Variants in CKMT2 observed in about 807,000 individuals in gnomAD.
CKMT2 encodes the protein creatine kinase S-type, mitochondrial.
CKMT2 carries 43 observed loss-of-function variants against 48.9 expected under a neutral mutation model. The observed-to-expected ratio is 0.88, with a 90% CI of 0.69 to 1.13. CKMT2 has a LOEUF of 1.13. CKMT2 is among the 50% of genes most tolerant of loss of function. CKMT2 has a pLI of 0.00. For missense variants in CKMT2, 472 were observed against 555.4 expected (o/e 0.85, Z 1.51); for synonymous variants, 206 against 213.0 (o/e 0.97, Z 0.29).
chr5:81,261,600 C>T (rs1230634356), intron 8 of CKMT2, among the ~76,000 whole-genome samples: 1 of 152,138 alleles, frequency 6.6e-6, no homozygotes, highest in Non-Finnish European at 1.5e-5. Flanking sequence ...TTCACAATTG[C>T]TTCAAAGAGA....
intron 8 of CKMT2, among the ~76,000 whole-genome samples, chr5:81,261,442 T>A (rs1158271775): frequency 6.6e-6 from 1 of 152,234 alleles, no homozygotes; most frequent in African/African-American, 2.4e-5. Flanking sequence ...CATGATTGTA[T>A]ATTTAGAAAA....
chr5:81,259,361 T>TATCTA (rs1554046739), intron 8 of CKMT2, 107 bp downstream of exon 8: 2 of 953,980 alleles, frequency 2.1e-6, no homozygotes, highest in African/African-American at 3.4e-5. Flanking sequence ...TTACTTTCTC[T>TATCTA]ATCTACAATA....
chr5:81,246,494 C>G (rs1225731217), intron 1 of CKMT2, among the ~76,000 whole-genome samples: 1 of 152,138 alleles, frequency 6.6e-6, no homozygotes, highest in Admixed American at 6.5e-5. Flanking sequence ...TTGCACTCAT[C>G]CCCACCTACG....
At chr5:81,265,087 T>C (rs1336088693) in intron 9 of CKMT2, among the ~76,000 whole-genome samples, 3 of 152,162 alleles carry the variant, frequency 2.0e-5, no homozygotes, top group Non-Finnish European at 4.4e-5. Context: ...TCTGGTTATT[T>C]AGTTAGGATA....
At chr5:81,259,460 G>A in intron 8 of CKMT2, 1 of 419,136 alleles carries the variant, frequency 2.4e-6, no homozygotes, top group Non-Finnish European at 4.1e-6. Context: ...AAAGATGGTA[G>A]CTTCAAGAAT....
intron 5 of CKMT2, among the ~76,000 whole-genome samples, chr5:81,256,173 CAA>C: frequency 6.8e-6 from 1 of 146,240 alleles, no homozygotes; most frequent in South Asian, 2.2e-4. Flanking sequence ...ATACACATTG[CAA>C]AAAAAAAAGT....
intron 1 of CKMT2, among the ~76,000 whole-genome samples, chr5:81,247,197 G>C (rs1342417191): frequency 6.6e-6 from 1 of 152,192 alleles, no homozygotes; most frequent in Admixed American, 6.5e-5. Context: ...ATAATGCTCA[G>C]AACATGGAGG....
chr5:81,260,570 G>A (rs567415378), intron 8 of CKMT2, among the ~76,000 whole-genome samples: 2 of 152,294 alleles, frequency 1.3e-5, no homozygotes, highest in South Asian at 4.1e-4. Flanking sequence ...ACTACCATCA[G>A]AGAATACTAT....
rs753520086 is a variant in CKMT2, at chr5:81,255,095, G to A, written c.550G>A (p.Glu184Lys). Residue 184 changes from glutamate to lysine, a missense_variant, in exon 5 of 10, where the codon GAG (glutamate) becomes AAG (lysine). Transcript: ENST00000254035. ...LSLPPACTRA[E>K]RREVENVAIT... ...CCTGCCTCCAGCCTGCACCCGGGCC[G>A]AGCGAAGGGAGGTAGAGAACGTGGC... 1.9e-6 allele frequency: 3 copies of A among 1,613,986 alleles called. No individual in the cohort carries two copies. Among genetic ancestry groups the A allele is most frequent in the East Asian group, 2.2e-5 (1 of 44,874 alleles).
chr5:81,261,499 A>G (rs1024870294), intron 8 of CKMT2, among the ~76,000 whole-genome samples: 11 of 152,240 alleles, frequency 7.2e-5, no homozygotes, highest in African/African-American at 2.7e-4. Context: ...CAACTTCATC[A>G]AAGTCTCAGG....
chr5:81,255,008 T>C lies in CKMT2; in HGVS notation c.463T>C (p.Phe155Leu), dbSNP rs748903380. ...LDASKITQGQ[F>L]DEHYVLSSRV... is the part of the protein sequence containing the mutation. ...TGCTTGGCAGATCACCCAAGGGCAGTTCGACGAGCATTACGTGCTGTCTTC... is the reference window on the plus strand; with the variant it reads ...TGCTTGGCAGATCACCCAAGGGCAGCTCGACGAGCATTACGTGCTGTCTTC... The change falls in exon 5 of 10, where the codon TTC becomes CTC. Residue 155 changes from phenylalanine to leucine, a missense_variant. By Grantham distance (22) the Phe-to-Leu change is conservative. Coordinates refer to ENST00000254035, the MANE Select transcript of CKMT2 (RefSeq NM_001099735.2). 14 of 1,613,936 alleles carry C rather than the reference T, an allele frequency of 8.7e-6. No individual in the cohort carries two copies. The highest frequency in any genetic ancestry group is 1.0e-5 in the Non-Finnish European group (12 of 1,179,980).
chr5:81,251,320 G>C (rs749939043), intron 2 of CKMT2, 36 bp downstream of exon 2: 8 of 1,607,424 alleles, frequency 5.0e-6, no homozygotes, highest in Non-Finnish European at 6.8e-6. Flanking sequence ...CCTCAGGCCA[G>C]GCACGGTGGC....
chr5:81,245,654 G>C (rs1285235764), intron 1 of CKMT2, among the ~76,000 whole-genome samples: 1 of 152,174 alleles, frequency 6.6e-6, no homozygotes, highest in South Asian at 2.1e-4. Flanking sequence ...GGGCCTGATG[G>C]CCAGGCCTTC....
intron 6 of CKMT2, 142 bp from the exon 7 acceptor site, chr5:81,257,591 G>A (rs1321859449): frequency 5.0e-6 from 3 of 604,114 alleles, no homozygotes; most frequent in Admixed American, 6.4e-5. Flanking sequence ...TGTCATACTT[G>A]TTCAGGCACA....
chr5:81,233,540 C>T (rs572384824), intron 1 of CKMT2, among the ~76,000 whole-genome samples, 163 bp downstream of exon 1: 29 of 152,304 alleles, frequency 1.9e-4, no homozygotes, highest in African/African-American at 6.5e-4. Context: ...CAGCAGAGCT[C>T]CCGCCCTTGG....
intron 5 of CKMT2, 118 bp downstream of exon 5, chr5:81,255,332 C>A: frequency 2.4e-6 from 2 of 841,908 alleles, no homozygotes; most frequent in East Asian, 2.7e-5. Flanking sequence ...TGCTGGGCTC[C>A]ACCCCTGAGC....
At chr5:81,251,007 C>G (rs1047546673) in intron 1 of CKMT2, 106 bp from the exon 2 acceptor site, 1 of 686,548 alleles carries the variant, frequency 1.5e-6, no homozygotes, top group Non-Finnish European at 2.4e-6. Context: ...ACAGAGACAC[C>G]GGAAAGAGAG....
At chr5:81,243,980 A>G in intron 1 of CKMT2, 1 of 963,902 alleles carries the variant, frequency 1.0e-6, no homozygotes, top group Non-Finnish European at 1.2e-6. Context: ...GGCATAAGCC[A>G]CCATGCCCAG....
At chr5:81,244,173 C>G in intron 1 of CKMT2, 1 of 985,476 alleles carries the variant, frequency 1.0e-6, no homozygotes, top group Non-Finnish European at 1.2e-6. Context: ...CAGCAGGCCA[C>G]TTTTCACTAA....
Sources: allele counts gnomAD v4.1 joint callset (sites outside exome capture counted in the v4.1 genomes callset), GRCh38; gene constraint gnomAD v4.1.1; transcripts MANE v1.5; gene names NCBI Gene and HGNC (gene_info 2026-07-23, HGNC 2026-07-21).